The following ATF7IP variants were observed in gnomAD, a reference collection of about 807,000 sequenced individuals.
The protein encoded by ATF7IP is activating transcription factor 7 interacting protein.
ATF7IP carries 23 observed loss-of-function variants against 106.4 expected under a neutral mutation model. That is an observed-to-expected ratio of 0.22 (90% CI 0.16 to 0.31). ATF7IP has a LOEUF of 0.31. Ranked by LOEUF, ATF7IP falls within the 10% of genes least tolerant of loss-of-function variation. The pLI, the probability that ATF7IP is intolerant of heterozygous loss-of-function variation, is 1.00. For missense variants in ATF7IP, 1,334 were observed against 1,524.3 expected (o/e 0.88, Z 2.08); for synonymous variants, 542 against 539.0 (o/e 1.01, Z -0.08).
At chr12:14,474,736 C>T (rs1230084503) in intron 10 of ATF7IP, among the ~76,000 whole-genome samples, 1 of 152,132 alleles carries the variant, frequency 6.6e-6, no homozygotes, top group Non-Finnish European at 1.5e-5. Context: ...GAGTCTTTAT[C>T]TGCTGGATGT....
chr12:14,418,301 C>T (rs529015130), intron 1 of ATF7IP, among the ~76,000 whole-genome samples: 1 of 152,026 alleles, frequency 6.6e-6, no homozygotes, highest in Non-Finnish European at 1.5e-5. Flanking sequence ...CTCTCATCCT[C>T]ATGAAAAAAA....
intron 10 of ATF7IP, 81 bp from the exon 11 acceptor site, chr12:14,475,809 T>G (rs1944242793): frequency 1.8e-6 from 2 of 1,116,788 alleles, no homozygotes; most frequent in Non-Finnish European, 2.6e-6. Flanking sequence ...TAGTCTCATT[T>G]TACCTCACTT....
intron 1 of ATF7IP, among the ~76,000 whole-genome samples, chr12:14,422,225 C>G (rs35780361): frequency 0.02 from 3,072 of 149,932 alleles, 34 homozygotes; most frequent in Middle Eastern, 0.031. Flanking sequence ...GATATAAAAC[C>G]AAGAAATATC....
At chr12:14,409,761 G>C (rs1386723894) in intron 1 of ATF7IP, among the ~76,000 whole-genome samples, 1 of 151,926 alleles carries the variant, frequency 6.6e-6, no homozygotes, top group African/African-American at 2.4e-5. Context: ...ACACTTGTTG[G>C]CCTAAAAATG....
chr12:14,370,880 C>T (rs1938505290), intron 1 of ATF7IP, among the ~76,000 whole-genome samples: 1 of 151,316 alleles, frequency 6.6e-6, no homozygotes, highest in South Asian at 2.1e-4. Context: ...AAATCAAAAT[C>T]CTTTTTTGTT....
chr12:14,367,342 A>C (rs774535089), intron 1 of ATF7IP: 1 of 152,116 alleles, frequency 6.6e-6, no homozygotes, highest in Non-Finnish European at 1.5e-5. Context: ...CACATATGAG[A>C]TAGAATGGAG....
In ATF7IP at chr12:14,501,527, G is replaced by T. The variant is rs911666498; in HGVS notation, c.*3454G>T. The T allele has an allele frequency of 4.6e-5, 7 of 152,096 alleles. No homozygotes were observed. The highest frequency in any genetic ancestry group is 8.8e-5 in the Non-Finnish European group (6 of 68,010). 9.4% of individuals were successfully genotyped at this position (152,096 alleles called of 1,614,324 possible). ...TGTTGCTAACAGTTAACTTTATGAG[G>T]TAACTATATCCTTCTATTTCTCTGG... On this transcript the variant is annotated 3_prime_UTR_variant, in exon 15 of 15. Transcript: ENST00000261168.
chr12:14,481,078 C>T lies in ATF7IP; in HGVS notation c.3173C>T (p.Ala1058Val). 1 of 1,613,998 alleles carries T rather than the reference C, an allele frequency of 6.2e-7. No individual in the cohort carries two copies. Among genetic ancestry groups the T allele is most frequent in the Non-Finnish European group, 8.5e-7 (1 of 1,179,928 alleles). Residue 1058 changes from alanine (A) to valine (V), a missense_variant, in exon 13 of 15, where the codon GCA (alanine) becomes GTA (valine). By Grantham distance (64) the Ala-to-Val change is moderately conservative (BLOSUM62 0). Around this residue, in one of 10 missense-constraint regions of ATF7IP, gnomAD observed 370 missense variants for 401.2 expected, o/e 0.92. Coordinates refer to ENST00000261168, the MANE Select transcript of ATF7IP (RefSeq NM_018179.5). The stretch of plus-strand genomic sequence containing the variant: ...AGACTCCCTGTACCAAGAGCTCCTG[C>T]AAACCACCAGGTGGTTTATACAACT... Reference protein sequence around the residue: ...TTRLPVPRAPANHQVVYTTLP... With the variant: ...TTRLPVPRAPVNHQVVYTTLP...
intron 11 of ATF7IP, among the ~76,000 whole-genome samples, chr12:14,477,268 A>C (rs1355250019): frequency 6.6e-6 from 1 of 152,244 alleles, no homozygotes; most frequent in Non-Finnish European, 1.5e-5. Context: ...AACTGATTAT[A>C]TGACAGTAAA....
chr12:14,474,162 GT>G (rs965470053), intron 10 of ATF7IP, among the ~76,000 whole-genome samples: 3 of 151,542 alleles, frequency 2.0e-5, no homozygotes, highest in African/African-American at 7.3e-5. Context: ...AGTTTCAGGC[GT>G]TTTTCATATT....
intron 13 of ATF7IP, among the ~76,000 whole-genome samples, chr12:14,493,152 TTA>T (rs1295884405): frequency 2.0e-5 from 3 of 152,196 alleles, no homozygotes; most frequent in Non-Finnish European, 4.4e-5. Context: ...AGCTGCAACA[TTA>T]AATGCAGAGT....
At chr12:14,480,965 T>A (rs770665894) in intron 12 of ATF7IP, 38 bp from the exon 13 acceptor site, 6 of 1,586,718 alleles carry the variant, frequency 3.8e-6, no homozygotes, top group Non-Finnish European at 5.2e-6. Context: ...AACGTAGAAT[T>A]TACTGTATTC....
intron 12 of ATF7IP, among the ~76,000 whole-genome samples, chr12:14,480,390 A>G (rs1944393928): frequency 6.6e-6 from 1 of 152,174 alleles, no homozygotes; most frequent in African/African-American, 2.4e-5. Flanking sequence ...TGGAACATAC[A>G]ATAGGAGGAA....
intron 5 of ATF7IP, among the ~76,000 whole-genome samples, chr12:14,439,627 T>A (rs958918914): frequency 1.1e-4 from 17 of 152,166 alleles, no homozygotes; most frequent in African/African-American, 3.9e-4. Flanking sequence ...GTCTAGCAGT[T>A]AGAGACCAGC....
intron 1 of ATF7IP, among the ~76,000 whole-genome samples, chr12:14,422,186 T>C (rs889680373): frequency 6.6e-6 from 1 of 151,916 alleles, no homozygotes; most frequent in Admixed American, 6.6e-5. Flanking sequence ...ATAATAAATA[T>C]TAGAGTAAAT....
intron 1 of ATF7IP, among the ~76,000 whole-genome samples, chr12:14,400,639 C>T (rs1432677269): frequency 6.6e-6 from 1 of 152,030 alleles, no homozygotes; most frequent in Non-Finnish European, 1.5e-5. Context: ...CAGCACTAGG[C>T]ATCCTGATAT....
At chr12:14,470,069 A>G (rs1483971957) in intron 10 of ATF7IP, among the ~76,000 whole-genome samples, 5 of 152,224 alleles carry the variant, frequency 3.3e-5, no homozygotes, top group Non-Finnish European at 5.9e-5. Flanking sequence ...TGTATATAAG[A>G]GAATTAATTG....
chr12:14,369,733 T>C (rs1253078180), intron 1 of ATF7IP, among the ~76,000 whole-genome samples: 4 of 152,242 alleles, frequency 2.6e-5, no homozygotes, highest in Non-Finnish European at 2.9e-5. Context: ...ATATCTGTGT[T>C]TTGACATATT....
chr12:14,437,537 T>C (rs930717577), intron 4 of ATF7IP, among the ~76,000 whole-genome samples: 17 of 152,210 alleles, frequency 1.1e-4, no homozygotes, highest in African/African-American at 3.9e-4. Context: ...CAAGTATGGT[T>C]CATGGGTATG....
Sources: gnomAD v4.1 joint callset for allele counts (sites outside exome capture counted in the v4.1 genomes callset) on GRCh38, gnomAD v4.1.1 for gene constraint, gnomAD v4.1.1 regional missense constraint, MANE v1.5 for transcripts, NCBI Gene and HGNC (gene_info 2026-07-23, HGNC 2026-07-21) for gene names.